DNM3: variants seen among roughly 807,000 people sequenced by gnomAD.
The protein encoded by DNM3 is dynamin 3.
In DNM3, 47 loss-of-function variants were observed where a neutral mutation model predicts 101.6. The observed-to-expected ratio is 0.46, with a 90% confidence interval of 0.37 to 0.59. The LOEUF is 0.59. Among genes scored for constraint, DNM3 ranks in the 20% least tolerant of loss-of-function variants. The probability of loss-of-function intolerance (pLI) is 0.00; values close to 1 mark genes in which losing one functional copy is unlikely to be tolerated. For synonymous variants in DNM3, 385 were observed against 387.9 expected (o/e 0.99, Z 0.09); for missense variants, 849 against 1,085.7 (o/e 0.78, Z 3.06).
At chr1:172,155,545 A>G (rs995671551) in intron 14 of DNM3, among the ~76,000 whole-genome samples, 1 of 152,082 alleles carries the variant, frequency 6.6e-6, no homozygotes, top group African/African-American at 2.4e-5. Flanking sequence ...TTAATAATTA[A>G]TACATAATTT....
intron 17 of DNM3, among the ~76,000 whole-genome samples, chr1:172,375,277 A>C (rs2068541536): frequency 6.6e-6 from 1 of 152,050 alleles, no homozygotes; most frequent in South Asian, 2.1e-4. Flanking sequence ...GGCATTTCTC[A>C]TAGGACTATA....
At chr1:172,193,334 G>A (rs1015266834) in intron 14 of DNM3, among the ~76,000 whole-genome samples, 2 of 152,070 alleles carry the variant, frequency 1.3e-5, no homozygotes, top group African/African-American at 4.8e-5. Flanking sequence ...ATTTTGTTGT[G>A]TCCCTGCCAG....
Position 172,048,673 on chromosome 1 carries a change from T to G in DNM3, c.1258T>G (p.Leu420Val), listed in dbSNP as rs1225341649. The G allele has an allele frequency of 6.2e-7, 1 of 1,613,658 alleles. No individual in the cohort carries two copies. Among genetic ancestry groups the G allele is most frequent in the Non-Finnish European group, 8.5e-7 (1 of 1,179,702 alleles). The change falls in exon 10 of 21, where the codon TTG (leucine) becomes GTG (valine). Residue 420 changes from leucine to valine, a missense_variant. Coordinates refer to ENST00000627582, the MANE Select transcript of DNM3 (RefSeq NM_015569.5). ...GATAGTCAAGAAACAGATTGTAAAG[T>G]TGAAAGGGCCTTCCTTGAAGAGTGT... ...EAIVKKQIVK[L>V]KGPSLKSVDL... is the part of the protein sequence containing the mutation.
intron 13 of DNM3, among the ~76,000 whole-genome samples, chr1:172,129,654 G>A (rs60077625): frequency 0.31 from 47,762 of 151,836 alleles, 7,765 homozygotes; most frequent in African/African-American, 0.37. Context: ...ATTCCATCAG[G>A]TCTTGTGAGA....
In DNM3 at chr1:172,068,963, A is replaced by G. The variant is rs1040055250; in HGVS notation, c.1422+58A>G. The G allele has an allele frequency of 6.8e-6, 10 of 1,473,994 alleles. No homozygotes were observed. In the African/African-American group the frequency reaches 1.3e-4, roughly 19 times the overall value. The allele number at this position is 1,473,994 out of a possible 1,614,324, so 91.3% of individuals were successfully genotyped here. ...ATTGTGGGAGGTCGAAGGTCTCTGC[A>G]AGGTTGTCTGGTAGTTCCCAACAGT... On this transcript the variant is annotated intron_variant, in intron 11 of 20. Coordinates refer to ENST00000627582, the MANE Select transcript of DNM3 (RefSeq NM_015569.5).
chr1:172,247,656 C>CTTACTTATTTATTTAT (rs142204811), intron 14 of DNM3, among the ~76,000 whole-genome samples: 183 of 135,378 alleles, frequency 1.4e-3, no homozygotes, highest in Non-Finnish European at 1.8e-3. Flanking sequence ...ATTATTATTT[C>CTTACTTATTTATTTAT]TTATTTATTT....
intron 1 of DNM3, among the ~76,000 whole-genome samples, chr1:171,900,979 G>A (rs973959692): frequency 2.6e-5 from 4 of 151,554 alleles, no homozygotes; most frequent in South Asian, 2.1e-4. Flanking sequence ...CGGGCGTGGT[G>A]GCGGGCGCCT....
At chr1:172,274,781 C>T (rs1325984045) in intron 15 of DNM3, among the ~76,000 whole-genome samples, 1 of 149,260 alleles carries the variant, frequency 6.7e-6, no homozygotes, top group Non-Finnish European at 1.5e-5. Context: ...TCCTATTGCA[C>T]GCCTGAGCAG....
intron 1 of DNM3, among the ~76,000 whole-genome samples, chr1:171,870,277 C>T (rs1247073591): frequency 1.3e-5 from 2 of 152,130 alleles, no homozygotes; most frequent in Non-Finnish European, 2.9e-5. Context: ...TATAGACTCT[C>T]ACTCTGTTCT....
chr1:172,017,712 A>C (rs1333108354), intron 4 of DNM3, among the ~76,000 whole-genome samples: 1 of 152,124 alleles, frequency 6.6e-6, no homozygotes, highest in Non-Finnish European at 1.5e-5. Flanking sequence ...CATTATATCC[A>C]GTTGATTATG....
intron 14 of DNM3, among the ~76,000 whole-genome samples, chr1:172,177,666 G>A (rs1572842687): frequency 1.3e-5 from 2 of 151,964 alleles, no homozygotes; most frequent in Admixed American, 1.3e-4. Flanking sequence ...TGAGACAATA[G>A]GAGTAAGGGA....
intron 14 of DNM3, among the ~76,000 whole-genome samples, chr1:172,239,025 G>A (rs1391519195): frequency 6.6e-6 from 1 of 152,106 alleles, no homozygotes; most frequent in Non-Finnish European, 1.5e-5. Context: ...AATCCACTGT[G>A]AGTGCAAGGG....
chr1:172,415,159 T>C (rs1269482709), downstream of DNM3: 1 of 152,242 alleles, frequency 6.6e-6, no homozygotes, highest in African/African-American at 2.4e-5. Flanking sequence ...GGAGCTCTGG[T>C]ACTTTGTCAA....
chr1:172,140,347 C>T (rs892791535), intron 14 of DNM3: 1 of 151,224 alleles, frequency 6.6e-6, no homozygotes, highest in African/African-American at 2.4e-5. Flanking sequence ...GAATCAAAAA[C>T]ATGAGTAAAC....
intron 2 of DNM3, among the ~76,000 whole-genome samples, chr1:171,941,881 TAAAGGA>T (rs1048712252): frequency 3.3e-5 from 5 of 152,190 alleles, no homozygotes; most frequent in African/African-American, 9.7e-5. Context: ...TTTCTGTGGT[TAAAGGA>T]AAACACTCAG....
intron 7 of DNM3, among the ~76,000 whole-genome samples, chr1:172,039,025 G>A (rs144183936): frequency 2.0e-5 from 3 of 151,626 alleles, no homozygotes; most frequent in Non-Finnish European, 4.4e-5. Flanking sequence ...ACCCCTTCAT[G>A]ATCTTCCCAT....
At chr1:172,013,474 G>A (rs920673682) in intron 4 of DNM3, among the ~76,000 whole-genome samples, 2 of 152,056 alleles carry the variant, frequency 1.3e-5, no homozygotes, top group African/African-American at 2.4e-5. Context: ...TCTGTGAATA[G>A]CTTAGAATAT....
chr1:171,878,847 T>A (rs950452429), intron 1 of DNM3, among the ~76,000 whole-genome samples: 7 of 152,126 alleles, frequency 4.6e-5, no homozygotes, highest in East Asian at 1.9e-4. Context: ...CTTTTTTTTT[T>A]AATATATGAA....
intron 2 of DNM3, among the ~76,000 whole-genome samples, chr1:171,952,958 T>G (rs966225796): frequency 1.3e-5 from 2 of 152,192 alleles, no homozygotes; most frequent in African/African-American, 4.8e-5. Context: ...ATTATTTTAT[T>G]CTCTCAATTC....
Sources: allele counts gnomAD v4.1 joint callset (sites outside exome capture counted in the v4.1 genomes callset), GRCh38; gene constraint gnomAD v4.1.1; transcripts MANE v1.5; gene names NCBI Gene and HGNC (gene_info 2026-07-23, HGNC 2026-07-21).